The following CHD5 variants were observed in gnomAD, a reference collection of about 807,000 sequenced individuals.
The protein encoded by CHD5 is ATP-dependent chromatin remodeler CHD5.
A neutral mutation model predicts 230.3 loss-of-function variants in CHD5; 69 were observed. The observed-to-expected ratio is 0.30, with a 90% CI of 0.25 to 0.37. The LOEUF is 0.37. CHD5 is among the 10% of genes least tolerant of loss of function. The probability of loss-of-function intolerance (pLI) is 1.00; values close to 1 mark genes in which losing one functional copy is unlikely to be tolerated. For missense variants in CHD5, 1,827 were observed against 2,622.8 expected (o/e 0.70, Z 6.63); for synonymous variants, 1,064 against 1,065.9 (o/e 1.00, Z 0.03).
Position 6,159,532 on chromosome 1 carries a change from A to G in CHD5, c.208-17T>C, listed in dbSNP as rs1289294928. The G allele has an allele frequency of 6.3e-7, 1 of 1,587,630 alleles. No individual in the cohort carries two copies. The highest frequency in any genetic ancestry group is 8.6e-7 in the Non-Finnish European group (1 of 1,164,040). ...ATTGCTCCCCTGGAAAAGAAGGGGGACAGTGAGGGCAACAGAGGCCCCAGG... is the reference window on the plus strand; with the variant it reads ...ATTGCTCCCCTGGAAAAGAAGGGGGGCAGTGAGGGCAACAGAGGCCCCAGG... On this transcript the variant is annotated splice_polypyrimidine_tract_variant and intron_variant, in intron 2 of 41. Transcript: ENST00000262450.
In CHD5 at chr1:6,121,110, G is replaced by C. The variant is rs754478607; in HGVS notation, c.4907C>G (p.Pro1636Arg). 6.3e-7 allele frequency: 1 copy of C among 1,597,294 alleles called. No homozygotes were observed. Among genetic ancestry groups the C allele is most frequent in the Non-Finnish European group, 8.5e-7 (1 of 1,172,962 alleles). ...GGCCTGCAAGAAGCCCCAACCTCTCGGCAGCTGCTCCGGGGAGGGCGGGGC... is the reference window on the plus strand; with the variant it reads ...GGCCTGCAAGAAGCCCCAACCTCTCCGCAGCTGCTCCGGGGAGGGCGGGGC... ...EKAPPSPEQLPREEVLPEKEK... is the reference protein window; with the variant it reads ...EKAPPSPEQLRREEVLPEKEK... The change falls in exon 33 of 42, where the codon CCG becomes CGG. Residue 1636 changes from proline (P) to arginine (R), a missense_variant. Coordinates refer to ENST00000262450, the MANE Select transcript of CHD5 (RefSeq NM_015557.3). The surrounding 1 kb of genome is among the most constrained non-coding windows in gnomAD (Gnocchi z 4.5).
At chr1:6,111,937 A>G in intron 35 of CHD5, 54 bp from the exon 36 acceptor site, 2 of 1,540,472 alleles carry the variant, frequency 1.3e-6, no homozygotes, top group Non-Finnish European at 1.8e-6. Flanking sequence ...TCTCACGCAC[A>G]GGCAGGCTTG....
chr1:6,152,418 G>A lies in CHD5; in HGVS notation c.864C>T (p.Gly288=), dbSNP rs112316734. ...FGGISNKRKK[G]SSSEEDEREE... ...CACACACGCACACACTCACCGAGGA[G>A]CCTTTCTTCCTCTTGTTGCTGATCC... Residue 288 remains glycine, a synonymous_variant, in exon 6 of 42, where the codon GGC becomes GGT. Transcript: ENST00000262450. 346 of 1,613,638 alleles carry A rather than the reference G, an allele frequency of 2.1e-4. 1 individual carries two copies. The African/African-American group carries it at 4.0e-3, about 19-fold the overall frequency.
intron 31 of CHD5, among the ~76,000 whole-genome samples, chr1:6,123,016 G>A (rs886620907): frequency 6.0e-5 from 9 of 150,868 alleles, no homozygotes; most frequent in African/African-American, 1.5e-4. Context: ...GCAGTGAGCC[G>A]AGATCACTCC....
chr1:6,130,102 T>C lies in CHD5; in HGVS notation c.3387+102A>G, dbSNP rs974493395. The C allele has an allele frequency of 1.5e-6, 2 of 1,333,814 alleles. No homozygotes were observed. The highest frequency in any genetic ancestry group is 2.9e-5 in the African/African-American group (2 of 69,814). The allele number at this position is 1,333,814 out of a possible 1,614,324, so 82.6% of individuals were successfully genotyped here. ...GGGAGGGAGGCCCACAGCACCAGGA[T>C]AGGTGAGGGGGTGATGGCAAGAAGG... On this transcript the variant is annotated intron_variant, in intron 22 of 41. Transcript: ENST00000262450. The surrounding 1 kb of genome is among the most constrained non-coding windows in gnomAD (Gnocchi z 4.9).
At chr1:6,144,321 G>T (rs186162158) in intron 11 of CHD5, among the ~76,000 whole-genome samples, 166 bp from the exon 12 acceptor site, 1 of 152,174 alleles carries the variant, frequency 6.6e-6, no homozygotes, top group Non-Finnish European at 1.5e-5. Context: ...GAGGTGCAGC[G>T]GCTTGCCTGG....
At chr1:6,118,378 CAAAAAAAAAAA>C in intron 33 of CHD5, among the ~76,000 whole-genome samples, 1 of 79,202 alleles carries the variant, frequency 1.3e-5, no homozygotes, top group East Asian at 3.6e-4. Context: ...GACCCTGTCT[CAAAAAAAAAAA>C]AAAAAAAAAA....
At chr1:6,111,441 G>A (rs1666286066) in intron 36 of CHD5, among the ~76,000 whole-genome samples, 1 of 151,802 alleles carries the variant, frequency 6.6e-6, no homozygotes, top group African/African-American at 2.4e-5. Context: ...GGCTGAGGCA[G>A]GAGAATCGCT....
chr1:6,148,728 G>GCTAC (rs1338480845), intron 9 of CHD5, 126 bp downstream of exon 9: 1 of 678,094 alleles, frequency 1.5e-6, no homozygotes, highest in East Asian at 3.4e-5. Flanking sequence ...TGCGGGATCG[G>GCTAC]CTACCGAGGC....
Position 6,126,835 on chromosome 1 carries a change from C to A in CHD5, c.3904-89G>T, listed in dbSNP as rs890959819. On this transcript the variant is annotated intron_variant, in intron 25 of 41. Coordinates refer to ENST00000262450, the MANE Select transcript of CHD5 (RefSeq NM_015557.3). The surrounding 1 kb of genome is among the most constrained non-coding windows in gnomAD (Gnocchi z 5.7). ...CTGCCTCCACCTGACCTGCCCTTTG[C>A]CCCCTCAGGGCTCAAGGATTAATGG... 4.8e-6 allele frequency: 6 copies of A among 1,250,788 alleles called. No individual in the cohort carries two copies. In the African/African-American group the frequency reaches 7.4e-5, roughly 15 times the overall value. 77.5% of individuals were successfully genotyped at this position (1,250,788 alleles called of 1,614,324 possible).
At chr1:6,127,880 G>C (rs1259446717) in intron 25 of CHD5, among the ~76,000 whole-genome samples, 166 bp downstream of exon 25, 1 of 152,072 alleles carries the variant, frequency 6.6e-6, no homozygotes, top group African/African-American at 2.4e-5. Context: ...GCTGGAGTGC[G>C]GGGCACAGCA....
At chr1:6,110,249 T>C (rs1666263814) in intron 37 of CHD5, 145 bp downstream of exon 37, 2 of 964,392 alleles carry the variant, frequency 2.1e-6, no homozygotes, top group African/African-American at 3.2e-5. Context: ...CCACTGTTAG[T>C]TGATGGACAT....
chr1:6,117,636 G>A (rs780649315), intron 33 of CHD5, among the ~76,000 whole-genome samples: 30 of 152,046 alleles, frequency 2.0e-4, no homozygotes, highest in Non-Finnish European at 4.3e-4. Context: ...GATCTGAAAG[G>A]ACATTTCTTC....
chr1:6,162,878 CG>C (rs1557560919), intron 2 of CHD5, among the ~76,000 whole-genome samples: 1 of 152,122 alleles, frequency 6.6e-6, no homozygotes. Flanking sequence ...GCAACATCTA[CG>C]GGGAGCCAAC....
Position 6,120,986 on chromosome 1 carries a change from G to A in CHD5, c.4912+119C>T, listed in dbSNP as rs1666460984. ...TCACCAGGGGGCCTGCAGAGGGTTG[G>A]AGTCTACCTCTCTGCCAGGGAGAAA... On this transcript the variant is annotated intron_variant, in intron 33 of 41. Coordinates refer to ENST00000262450, the MANE Select transcript of CHD5 (RefSeq NM_015557.3). 3 of 1,227,442 alleles carry A rather than the reference G, an allele frequency of 2.4e-6. No individual in the cohort carries two copies. In the South Asian group the frequency reaches 5.0e-5, roughly 20 times the overall value. The allele number at this position is 1,227,442 out of a possible 1,614,324, so 76.0% of individuals were successfully genotyped here.
intron 1 of CHD5, among the ~76,000 whole-genome samples, chr1:6,174,507 T>TGGTG (rs572030129): frequency 1.5e-5 from 2 of 134,462 alleles, no homozygotes; most frequent in Admixed American, 7.2e-5. Context: ...GATGGATGGA[T>TGGTG]GGTGGGTGGA....
In CHD5 at chr1:6,146,936, G is replaced by T; in HGVS notation, c.1384-65C>A. 7.8e-7 allele frequency: 1 copy of T among 1,275,712 alleles called. No individual in the cohort carries two copies. Among genetic ancestry groups the T allele is most frequent in the Non-Finnish European group, 1.1e-6 (1 of 945,144 alleles). 79.0% of individuals were successfully genotyped at this position (1,275,712 alleles called of 1,614,324 possible). A position where few individuals can be genotyped will look rare whatever the true frequency, so the allele number is the denominator to read the frequency against. Reference sequence around the variant, plus strand: ...CAGGGCCCCACCCTGAGGCTCCCATGACAGCAGGCTGCCATGCAGGCTCCC... The same window carrying T: ...CAGGGCCCCACCCTGAGGCTCCCATTACAGCAGGCTGCCATGCAGGCTCCC... On this transcript the variant is annotated intron_variant, in intron 9 of 41. Transcript: ENST00000262450. The surrounding 1 kb of genome is among the most constrained non-coding windows in gnomAD (Gnocchi z 5.1).
chr1:6,141,669 T>C (rs561493630), intron 15 of CHD5, among the ~76,000 whole-genome samples: 2 of 152,168 alleles, frequency 1.3e-5, no homozygotes, highest in East Asian at 3.9e-4. Flanking sequence ...TGGATTAGGG[T>C]AGGCCCTACA....
At chr1:6,115,950 T>C (rs933483315) in intron 33 of CHD5, among the ~76,000 whole-genome samples, 4 of 152,100 alleles carry the variant, frequency 2.6e-5, no homozygotes, top group African/African-American at 7.2e-5. Flanking sequence ...AAAATATACA[T>C]GGAAGCTGGA....
Sources: gnomAD v4.1 joint callset for allele counts (sites outside exome capture counted in the v4.1 genomes callset) on GRCh38, gnomAD v4.1.1 for gene constraint, Gnocchi (gnomAD v3.1) non-coding constraint, MANE v1.5 for transcripts, NCBI Gene and HGNC (gene_info 2026-07-23, HGNC 2026-07-21) for gene names.